BLMH: variants seen among roughly 807,000 people sequenced by gnomAD.
The protein encoded by BLMH is bleomycin hydrolase.
BLMH carries 32 observed loss-of-function variants against 61.6 expected under a neutral mutation model. The ratio of observed to expected loss-of-function variants is 0.52; its 90% confidence interval spans 0.39 to 0.70. The LOEUF (loss-of-function observed/expected upper bound fraction) is 0.70. BLMH is among the 30% of genes least tolerant of loss of function. The pLI is 0.00. For synonymous variants in BLMH, 183 were observed against 193.8 expected (o/e 0.94, Z 0.46); for missense variants, 460 against 555.5 (o/e 0.83, Z 1.73).
chr17:30,287,455 A>C (rs780934121), intron 4 of BLMH, among the ~76,000 whole-genome samples: 4 of 152,224 alleles, frequency 2.6e-5, no homozygotes, highest in Non-Finnish European at 5.9e-5. Flanking sequence ...GCTCAGCATG[A>C]TGAGATTTCC....
rs762548869 is a variant in BLMH at position 30,291,527 on chromosome 17, G to A, written c.14-19C>T. On this transcript the variant is annotated intron_variant, in intron 1 of 11. Coordinates refer to ENST00000261714, the MANE Select transcript of BLMH (RefSeq NM_000386.4). ...TTCAGTCCTGTTGGGAGACCAAACA[G>A]GATTTTAACGCAAAAAGAGGGGGAA... is the stretch of plus-strand genomic sequence containing the variant. The A allele has an allele frequency of 9.3e-6, 15 of 1,610,386 alleles. No homozygotes were observed. Among genetic ancestry groups the A allele is most frequent in the Non-Finnish European group, 1.2e-5 (14 of 1,176,982 alleles).
intron 6 of BLMH, 120 bp downstream of exon 6, chr17:30,285,268 T>A (rs936416637): frequency 5.6e-6 from 4 of 708,468 alleles, no homozygotes; most frequent in Non-Finnish European, 9.0e-6. Context: ...AATAAGTAAT[T>A]TTCAATTCAA....
intron 11 of BLMH, among the ~76,000 whole-genome samples, chr17:30,255,241 CAAAT>C (rs1447694679): frequency 1.3e-5 from 2 of 152,096 alleles, no homozygotes; most frequent in African/African-American, 4.8e-5. Context: ...TTTAGATACA[CAAAT>C]AACACTGTGT....
intron 6 of BLMH, among the ~76,000 whole-genome samples, chr17:30,278,926 G>C (rs1908500788): frequency 6.6e-6 from 1 of 152,190 alleles, no homozygotes; most frequent in Non-Finnish European, 1.5e-5. Flanking sequence ...CTGCCTCCCA[G>C]AGTGCTGGGA....
chr17:30,275,136 G>C (rs1908383330), intron 6 of BLMH, among the ~76,000 whole-genome samples: 1 of 151,940 alleles, frequency 6.6e-6, no homozygotes, highest in Non-Finnish European at 1.5e-5. Context: ...GTGACCACTT[G>C]AGCCCAGGAG....
At chr17:30,258,927 T>C (rs1907886814) in intron 11 of BLMH, among the ~76,000 whole-genome samples, 1 of 152,118 alleles carries the variant, frequency 6.6e-6, no homozygotes, top group Non-Finnish European at 1.5e-5. Context: ...CAACGCATGC[T>C]CCAAATGCCA....
intron 6 of BLMH, among the ~76,000 whole-genome samples, chr17:30,279,335 G>A (rs997990083): frequency 1.3e-5 from 2 of 152,184 alleles, no homozygotes; most frequent in African/African-American, 2.4e-5. Context: ...CTTGTCCCCT[G>A]GGGGCAGTTG....
intron 6 of BLMH, among the ~76,000 whole-genome samples, chr17:30,275,856 T>C (rs997364359): frequency 6.6e-6 from 1 of 152,216 alleles, no homozygotes; most frequent in Non-Finnish European, 1.5e-5. Flanking sequence ...GATCCAATCA[T>C]CTATTACCTG....
Position 30,289,418 on chromosome 17 carries a change from A to G in BLMH, c.276T>C (p.Ile92=), listed in dbSNP as rs1478481266. ...AAGATTGGCTAAACTCAAATTCTTCAATATTTAACTTTTTCATGAATGGAA... is the reference window on the plus strand; with the variant it reads ...AAGATTGGCTAAACTCAAATTCTTCGATATTTAACTTTTTCATGAATGGAA... ...MRLPFMKKLN[I]EEFEFSQSYL... is the part of the protein sequence containing the mutation. Residue 92 remains isoleucine, a synonymous_variant, in exon 3 of 12, where the codon ATT becomes ATC. Coordinates refer to ENST00000261714, the MANE Select transcript of BLMH (RefSeq NM_000386.4). 2 of 1,612,320 alleles carry G rather than the reference A, an allele frequency of 1.2e-6. No individual in the cohort carries two copies. The highest frequency in any genetic ancestry group is 1.7e-6 in the Non-Finnish European group (2 of 1,179,006).
intron 11 of BLMH, among the ~76,000 whole-genome samples, chr17:30,252,559 A>AG (rs1302668841): frequency 1.4e-5 from 2 of 145,814 alleles, no homozygotes; most frequent in Non-Finnish European, 3.0e-5. Flanking sequence ...AAAAAAAAAA[A>AG]TTAGCTGGTG....
rs1908131185 is a variant in BLMH, at chr17:30,267,007, A to C, written c.1147-53T>G. The C allele has an allele frequency of 3.9e-6, 6 of 1,551,876 alleles. No homozygotes were observed. The East Asian group carries it at 1.3e-4, about 35-fold the overall frequency. On this transcript the variant is annotated intron_variant, in intron 10 of 11. Transcript: ENST00000261714. ...GTCTGAAGCCAGATTCTCCCTGCTG[A>C]GGTGTCATATAATTTTAGCTCTTCT...
At chr17:30,282,668 T>C (rs1373363447) in intron 6 of BLMH, among the ~76,000 whole-genome samples, 1 of 152,264 alleles carries the variant, frequency 6.6e-6, no homozygotes, top group Non-Finnish European at 1.5e-5. Context: ...TCAGTAAGAA[T>C]GCCTTTAGCA....
chr17:30,271,599 GA>G, intron 9 of BLMH: 10 of 399,228 alleles, frequency 2.5e-5, no homozygotes, highest in South Asian at 6.8e-5. Flanking sequence ...GAGTATGCAG[GA>G]AAAAAAGGAG....
At chr17:30,285,362 CA>C in intron 6 of BLMH, 25 bp downstream of exon 6, 2 of 1,571,876 alleles carry the variant, frequency 1.3e-6, no homozygotes, top group Admixed American at 1.8e-5. Flanking sequence ...AGAGGGGTCA[CA>C]AAAAAATCCA....
intron 10 of BLMH, among the ~76,000 whole-genome samples, chr17:30,268,028 C>T: frequency 6.6e-6 from 1 of 152,198 alleles, no homozygotes; most frequent in East Asian, 1.9e-4. Flanking sequence ...CACACCCTTA[C>T]CTGTACTAAT....
intron 6 of BLMH, among the ~76,000 whole-genome samples, chr17:30,274,718 A>T (rs2143022732): frequency 6.6e-6 from 1 of 152,270 alleles, no homozygotes; most frequent in East Asian, 1.9e-4. Flanking sequence ...GCAGTGGTTC[A>T]TGCCTGTAAT....
intron 9 of BLMH, 140 bp downstream of exon 9, chr17:30,272,421 A>G (rs1187242690): frequency 5.6e-6 from 5 of 889,576 alleles, no homozygotes; most frequent in African/African-American, 1.7e-5. Context: ...CTCAAACTCT[A>G]AAGGATGCAA....
intron 11 of BLMH, among the ~76,000 whole-genome samples, chr17:30,263,988 T>A (rs114746965): frequency 1.7e-3 from 263 of 152,304 alleles, no homozygotes; most frequent in African/African-American, 6.0e-3. Flanking sequence ...TGCCAGCCAA[T>A]GTCCACTAGG....
intron 4 of BLMH, 100 bp downstream of exon 4, chr17:30,287,706 A>G (rs1908769990): frequency 7.1e-7 from 1 of 1,399,716 alleles, no homozygotes; most frequent in Non-Finnish European, 9.8e-7. Context: ...TTGGAGACCA[A>G]TTCTACTCTG....
Sources: gnomAD v4.1 joint callset for allele counts (sites outside exome capture counted in the v4.1 genomes callset) on GRCh38, gnomAD v4.1.1 for gene constraint, MANE v1.5 for transcripts, NCBI Gene and HGNC (gene_info 2026-07-23, HGNC 2026-07-21) for gene names.